The following RNF11 variants were observed in gnomAD, a reference collection of about 807,000 sequenced individuals.
RNF11 encodes the protein ring finger protein 11.
In RNF11, 4 loss-of-function variants were observed where a neutral mutation model predicts 15.8. That is an observed-to-expected ratio of 0.25 (90% CI 0.12 to 0.58). RNF11 has a LOEUF of 0.58. RNF11 is among the 20% of genes least tolerant of loss of function. The pLI is 0.91. For synonymous variants in RNF11, 68 were observed against 72.3 expected (o/e 0.94, Z 0.30); for missense variants, 139 against 194.4 (o/e 0.71, Z 1.70).
At chr1:51,248,896 G>A (rs960545962) in intron 1 of RNF11, among the ~76,000 whole-genome samples, 1 of 151,808 alleles carries the variant, frequency 6.6e-6, no homozygotes, top group Non-Finnish European at 1.5e-5. Context: ...AAATATTTGG[G>A]AAAGAAAACA....
At chr1:51,246,924 G>A (rs918526814) in intron 1 of RNF11, among the ~76,000 whole-genome samples, 1 of 148,208 alleles carries the variant, frequency 6.7e-6, no homozygotes, top group African/African-American at 2.5e-5. Flanking sequence ...GCTGCAGTGA[G>A]TTATAATTGA....
At chr1:51,257,853 CT>C (rs1245365473) in intron 1 of RNF11, among the ~76,000 whole-genome samples, 2 of 91,268 alleles carry the variant, frequency 2.2e-5, no homozygotes, top group African/African-American at 9.7e-5. Flanking sequence ...CTTTTCTTTT[CT>C]TTTTTTTTTT....
intron 1 of RNF11, among the ~76,000 whole-genome samples, chr1:51,237,442 GTA>G (rs66523963): frequency 0.044 from 6,170 of 140,380 alleles, 167 homozygotes; most frequent in Non-Finnish European, 0.06. Context: ...ATATATATGT[GTA>G]TATATATATA....
At chr1:51,267,630 A>G (rs1646960913) in intron 1 of RNF11, among the ~76,000 whole-genome samples, 1 of 152,266 alleles carries the variant, frequency 6.6e-6, no homozygotes, top group South Asian at 2.1e-4. Flanking sequence ...CCCACTGCCT[A>G]GCATATGACA....
chr1:51,252,483 C>T (rs1042282151), intron 1 of RNF11, among the ~76,000 whole-genome samples: 1 of 151,960 alleles, frequency 6.6e-6, no homozygotes, highest in African/African-American at 2.4e-5. Context: ...GATGTGGTGG[C>T]GGGCACCTAT....
intron 1 of RNF11, among the ~76,000 whole-genome samples, chr1:51,248,944 AT>A (rs1234730599): frequency 6.6e-6 from 1 of 152,218 alleles, no homozygotes; most frequent in Non-Finnish European, 1.5e-5. Context: ...AATTAAAAAA[AT>A]ATATAGTGTA....
intron 1 of RNF11, among the ~76,000 whole-genome samples, chr1:51,264,287 A>AAAATATATAT (rs1557682286): frequency 6.1e-5 from 2 of 32,526 alleles, no homozygotes; most frequent in African/African-American, 1.0e-4. Flanking sequence ...AAAAAAAAAA[A>AAAATATATAT]ATATATATAT....
intron 1 of RNF11, among the ~76,000 whole-genome samples, chr1:51,238,367 T>C (rs550370757): frequency 6.6e-6 from 1 of 152,336 alleles, no homozygotes; most frequent in South Asian, 2.1e-4. Flanking sequence ...CAGTGCAAGC[T>C]GCGTGAAGGT....
At chr1:51,237,471 A>C (rs1557675573) in intron 1 of RNF11, among the ~76,000 whole-genome samples, 1 of 144,640 alleles carries the variant, frequency 6.9e-6, no homozygotes, top group African/African-American at 2.6e-5. Context: ...TATGTATATA[A>C]ATTTTAATCC....
At chr1:51,250,684 C>T (rs894299428) in intron 1 of RNF11, 34 of 944,920 alleles carry the variant, frequency 3.6e-5, no homozygotes, top group East Asian at 1.2e-4. Context: ...AATTCCTGAT[C>T]GGGAGACTTG....
At chr1:51,250,206 G>A (rs1442278096) in intron 1 of RNF11, among the ~76,000 whole-genome samples, 1 of 152,098 alleles carries the variant, frequency 6.6e-6, no homozygotes, top group Non-Finnish European at 1.5e-5. Flanking sequence ...GTACACCATG[G>A]TGTTTTAATA....
At position 51,272,631 on chromosome 1, in the gene RNF11, G is replaced by A. The variant is rs1338869820; in HGVS notation, c.*1309G>A. On this transcript the variant is annotated 3_prime_UTR_variant, in exon 3 of 3. Coordinates refer to ENST00000242719, the MANE Select transcript of RNF11 (RefSeq NM_014372.5). ...GTAGAGATGGTCTAGTAAAGATGTA[G>A]TAGTAATGTTTTATCCATTTAGCAT... is the stretch of plus-strand genomic sequence containing the variant. 5.3e-5 allele frequency: 8 copies of A among 152,032 alleles called. No individual in the cohort carries two copies. The highest frequency in any genetic ancestry group is 1.0e-4 in the Non-Finnish European group (7 of 68,002). 9.4% of individuals were successfully genotyped at this position (152,032 alleles called of 1,614,324 possible).
At chr1:51,256,463 T>A (rs1646904899) in intron 1 of RNF11, among the ~76,000 whole-genome samples, 1 of 152,246 alleles carries the variant, frequency 6.6e-6, no homozygotes, top group Non-Finnish European at 1.5e-5. Context: ...TCTATTTACC[T>A]ATCGAAGGAC....
chr1:51,263,906 A>T (rs1646941542), intron 1 of RNF11, among the ~76,000 whole-genome samples: 1 of 152,124 alleles, frequency 6.6e-6, no homozygotes, highest in Non-Finnish European at 1.5e-5. Context: ...AAGGTGTTAC[A>T]GTTAATGGAA....
At chr1:51,249,759 G>A (rs184782888) in intron 1 of RNF11, among the ~76,000 whole-genome samples, 1 of 152,154 alleles carries the variant, frequency 6.6e-6, no homozygotes, top group Non-Finnish European at 1.5e-5. Context: ...AAATAAAGAT[G>A]CTGTGAACAT....
chr1:51,262,461 C>G (rs1009125905), intron 1 of RNF11, among the ~76,000 whole-genome samples: 1 of 152,138 alleles, frequency 6.6e-6, no homozygotes, highest in Admixed American at 6.5e-5. Flanking sequence ...AGTTGAATTT[C>G]ATTAAAATTT....
intron 1 of RNF11, among the ~76,000 whole-genome samples, chr1:51,257,988 G>A (rs1050265142): frequency 2.0e-5 from 3 of 150,356 alleles, no homozygotes; most frequent in African/African-American, 7.4e-5. Context: ...CGAGTAGCTG[G>A]GATTATAGGC....
At chr1:51,252,647 A>T (rs1646885095) in intron 1 of RNF11, among the ~76,000 whole-genome samples, 1 of 152,086 alleles carries the variant, frequency 6.6e-6, no homozygotes, top group African/African-American at 2.4e-5. Flanking sequence ...AAGGTTTGCG[A>T]CTGCACTGGG....
chr1:51,244,391 GT>G (rs1646843119), intron 1 of RNF11, among the ~76,000 whole-genome samples: 1 of 147,296 alleles, frequency 6.8e-6, no homozygotes, highest in African/African-American at 2.5e-5. Flanking sequence ...TTTTTTTTTT[GT>G]TTGTTTGTTT....
Sources: gnomAD v4.1 joint callset for allele counts (sites outside exome capture counted in the v4.1 genomes callset) on GRCh38, gnomAD v4.1.1 for gene constraint, MANE v1.5 for transcripts, NCBI Gene and HGNC (gene_info 2026-07-23, HGNC 2026-07-21) for gene names.